PCDH15: variants seen among roughly 807,000 people sequenced by gnomAD.
PCDH15 encodes the protein protocadherin related 15.
Under a neutral mutation model 178.5 loss-of-function variants are expected in PCDH15, and 129 were observed. That is an observed-to-expected ratio of 0.72 (90% CI 0.63 to 0.84). PCDH15 has a LOEUF of 0.84. Among genes scored for constraint, PCDH15 ranks in the 40% least tolerant of loss-of-function variants. The probability of loss-of-function intolerance (pLI) is 0.00; values close to 1 mark genes in which losing one functional copy is unlikely to be tolerated. For missense variants in PCDH15, 2,230 were observed against 2,099.9 expected (o/e 1.06, Z -1.21); for synonymous variants, 800 against 732.0 (o/e 1.09, Z -1.50).
At chr10:55,302,394 A>C (rs1843309228) in intron 1 of PCDH15, among the ~76,000 whole-genome samples, 1 of 152,138 alleles carries the variant, frequency 6.6e-6, no homozygotes, top group African/African-American at 2.4e-5. Flanking sequence ...AATATAATGG[A>C]GAGAGAGATG....
At chr10:54,028,947 A>T (rs966975005) in intron 18 of PCDH15, among the ~76,000 whole-genome samples, 4 of 133,594 alleles carry the variant, frequency 3.0e-5, no homozygotes, top group African/African-American at 9.4e-5. Context: ...ATAATAATAA[A>T]AAAAAGACTA....
intron 2 of PCDH15, among the ~76,000 whole-genome samples, chr10:55,361,945 C>A (rs1036491624): frequency 1.3e-5 from 2 of 152,026 alleles, no homozygotes; most frequent in African/African-American, 4.8e-5. Context: ...TACCATGGAC[C>A]TTCTCTAGTC....
chr10:54,635,911 T>C (rs1256967115), intron 2 of PCDH15, among the ~76,000 whole-genome samples: 2 of 151,808 alleles, frequency 1.3e-5, no homozygotes, highest in African/African-American at 4.8e-5. Context: ...CACAGAAGTA[T>C]AATCCTGTCA....
intron 25 of PCDH15, among the ~76,000 whole-genome samples, chr10:53,926,073 C>T (rs1467157309): frequency 2.0e-5 from 3 of 152,156 alleles, no homozygotes; most frequent in Non-Finnish European, 4.4e-5. Context: ...TTGATTTCTT[C>T]CTTTCTCTTT....
At chr10:55,445,199 C>T (rs1361042175) in intron 2 of PCDH15, among the ~76,000 whole-genome samples, 2 of 152,214 alleles carry the variant, frequency 1.3e-5, no homozygotes, top group East Asian at 3.9e-4. Context: ...TTTCTTTCTT[C>T]AGTGTTCACC....
chr10:54,442,455 TATATAC>T (rs1565288289), intron 3 of PCDH15, among the ~76,000 whole-genome samples: 3 of 100,122 alleles, frequency 3.0e-5, no homozygotes, highest in African/African-American at 4.0e-5. Flanking sequence ...TATATATATA[TATATAC>T]AGTCTTTTTT....
chr10:54,136,841 T>C (rs948397323), intron 14 of PCDH15, among the ~76,000 whole-genome samples: 1 of 152,146 alleles, frequency 6.6e-6, no homozygotes, highest in African/African-American at 2.4e-5. Context: ...CCACAATAAT[T>C]CAAAAGCTAG....
At chr10:54,598,699 A>T (rs1347621214) in intron 2 of PCDH15, among the ~76,000 whole-genome samples, 3 of 152,172 alleles carry the variant, frequency 2.0e-5, no homozygotes, top group African/African-American at 7.2e-5. Flanking sequence ...CTGTTTGCAG[A>T]TGAAATGATT....
chr10:55,089,437 C>T lies in PCDH15; in HGVS notation c.-80+77139G>A, dbSNP rs560036836. ...TGATATCTGTCTAATGTAATGTTAC[C>T]ACATTTTTTTCAAGTGTCTAGCAAA... On this transcript the variant is annotated intron_variant, in intron 2 of 5. Coordinates refer to the PCDH15 transcript ENST00000458638. 9.9e-5 allele frequency among the ~76,000 whole-genome samples: 15 copies of T among 151,984 alleles called. No homozygotes were observed. In the South Asian group the frequency reaches 3.1e-3, roughly 32 times the overall value.
chr10:55,184,095 A>C (rs748240432), intron 1 of PCDH15, among the ~76,000 whole-genome samples: 7 of 151,918 alleles, frequency 4.6e-5, no homozygotes, highest in Non-Finnish European at 1.0e-4. Flanking sequence ...CTGCATGGTA[A>C]AAGGCAGTGG....
chr10:55,511,246 GA>G (rs941445406), intron 2 of PCDH15, among the ~76,000 whole-genome samples: 14 of 139,798 alleles, frequency 1.0e-4, no homozygotes, highest in African/African-American at 3.6e-4. Context: ...ACTTTGGAAA[GA>G]AAAAAGTCTG....
intron 2 of PCDH15, among the ~76,000 whole-genome samples, chr10:54,662,586 A>G (rs2094508189): frequency 6.6e-6 from 1 of 151,992 alleles, no homozygotes; most frequent in Non-Finnish European, 1.5e-5. Flanking sequence ...TATAAGACTA[A>G]GAGCTACAAC....
intron 2 of PCDH15, among the ~76,000 whole-genome samples, chr10:55,013,648 A>G (rs919246204): frequency 1.3e-5 from 2 of 152,110 alleles, no homozygotes; most frequent in Non-Finnish European, 2.9e-5. Context: ...CCATATTTTT[A>G]TTTAAATAAA....
intron 1 of PCDH15, among the ~76,000 whole-genome samples, chr10:54,701,392 CA>C (rs1469843008): frequency 6.6e-6 from 1 of 152,022 alleles, no homozygotes; most frequent in East Asian, 1.9e-4. Flanking sequence ...AGCAACTACA[CA>C]ATCAAGTCTG....
rs774329306 is a variant in PCDH15 at position 53,831,571 on chromosome 10, G to C, written c.3984-38C>G. On this transcript the variant is annotated intron_variant, in intron 29 of 37. Coordinates refer to ENST00000644397, the MANE Select transcript of PCDH15 (RefSeq NM_001384140.1). Reference sequence around the variant, plus strand: ...ATAAATAGTAAAATTAATGATGCTAGCAGAGAAAGAGCATTTTAAAAATAA... The same window carrying C: ...ATAAATAGTAAAATTAATGATGCTACCAGAGAAAGAGCATTTTAAAAATAA... 3 of 1,391,610 alleles carry C rather than the reference G, an allele frequency of 2.2e-6. No homozygotes were observed. In the African/African-American group the frequency reaches 4.3e-5, roughly 20 times the overall value. The allele number at this position is 1,391,610 out of a possible 1,614,324, so 86.2% of individuals were successfully genotyped here.
intron 3 of PCDH15, among the ~76,000 whole-genome samples, chr10:54,892,417 A>C (rs2131817202): frequency 6.6e-6 from 1 of 152,242 alleles, no homozygotes; most frequent in East Asian, 1.9e-4. Context: ...TATCAAAAAA[A>C]GCAGTGAATA....
At chr10:54,224,463 A>T (rs1231278876) in intron 9 of PCDH15, among the ~76,000 whole-genome samples, 1 of 152,138 alleles carries the variant, frequency 6.6e-6, no homozygotes, top group Non-Finnish European at 1.5e-5. Context: ...TCTATTTAGC[A>T]AAGCTTAATT....
intron 1 of PCDH15, among the ~76,000 whole-genome samples, chr10:55,253,385 T>C (rs1459918980): frequency 6.6e-6 from 1 of 152,084 alleles, no homozygotes; most frequent in Non-Finnish European, 1.5e-5. Flanking sequence ...TCGTTTCTCA[T>C]ATCTGTATAG....
At position 53,866,867 on chromosome 10, in the gene PCDH15, G is replaced by GA. The variant is rs766864344; in HGVS notation, c.3502-11_3502-10insT. On this transcript the variant is annotated splice_polypyrimidine_tract_variant and intron_variant, in intron 26 of 37. Transcript: ENST00000644397. Reference sequence around the variant, plus strand: ...TATCTTTATCAGTAGCCTAGACGGAGGGGAAAAAAAAAGAGATTATAATTA... The same window carrying GA: ...TATCTTTATCAGTAGCCTAGACGGAGAGGGAAAAAAAAAGAGATTATAATTA... 5 of 1,550,756 alleles carry GA rather than the reference G, an allele frequency of 3.2e-6. No homozygotes were observed. In the African/African-American group the frequency reaches 6.0e-5, roughly 18 times the overall value.
Sources: allele counts gnomAD v4.1 joint callset (sites outside exome capture counted in the v4.1 genomes callset), GRCh38; gene constraint gnomAD v4.1.1; transcripts MANE v1.5; gene names NCBI Gene and HGNC (gene_info 2026-07-23, HGNC 2026-07-21).